Variants in ASIC2 observed in about 807,000 individuals in gnomAD.
ASIC2 encodes acid sensing ion channel subunit 2.
In ASIC2, 25 loss-of-function variants were observed where a neutral mutation model predicts 57.3. The observed-to-expected ratio is 0.44, with a 90% CI of 0.32 to 0.61. ASIC2 has a LOEUF of 0.61. Among genes scored for constraint, ASIC2 ranks in the 20% least tolerant of loss-of-function variants. The pLI is 0.06. For missense variants in ASIC2, 641 were observed against 738.1 expected (o/e 0.87, Z 1.52); for synonymous variants, 319 against 307.5 (o/e 1.04, Z -0.39).
intron 1 of ASIC2, among the ~76,000 whole-genome samples, chr17:33,155,808 T>C (rs1377952555): frequency 6.6e-6 from 1 of 152,114 alleles, no homozygotes; most frequent in East Asian, 1.9e-4. Context: ...GATCTCAAAG[T>C]GCTAGTTACA....
chr17:33,158,268 G>C (rs1325611053), intron 1 of ASIC2, among the ~76,000 whole-genome samples: 1 of 148,670 alleles, frequency 6.7e-6, no homozygotes, highest in Admixed American at 6.7e-5. Flanking sequence ...GAGGTGCTCA[G>C]CAATACTTGA....
chr17:33,885,183 C>A (rs1022761826), intron 1 of ASIC2, among the ~76,000 whole-genome samples: 3 of 152,182 alleles, frequency 2.0e-5, no homozygotes, highest in Non-Finnish European at 4.4e-5. Flanking sequence ...ACATCCAGGT[C>A]CTGCTGTCCT....
intron 1 of ASIC2, among the ~76,000 whole-genome samples, chr17:33,412,277 C>A (rs1460944263): frequency 6.6e-6 from 1 of 152,192 alleles, no homozygotes; most frequent in Non-Finnish European, 1.5e-5. Flanking sequence ...TTGTACCAAC[C>A]CACGTGGTTC....
At chr17:34,096,921 T>C (rs745520512) in intron 1 of ASIC2, among the ~76,000 whole-genome samples, 7 of 131,758 alleles carry the variant, frequency 5.3e-5, no homozygotes, top group Non-Finnish European at 9.5e-5. Flanking sequence ...AAGTGAGAGA[T>C]CATGGTGGCC....
intron 1 of ASIC2, among the ~76,000 whole-genome samples, chr17:33,638,162 G>C (rs922538910): frequency 2.6e-5 from 4 of 152,166 alleles, no homozygotes; most frequent in Admixed American, 1.3e-4. Flanking sequence ...AAGTCTTGTG[G>C]CTTCCAGAAC....
chr17:33,748,713 G>T (rs1910337638), intron 1 of ASIC2, among the ~76,000 whole-genome samples: 1 of 152,196 alleles, frequency 6.6e-6, no homozygotes, highest in African/African-American at 2.4e-5. Flanking sequence ...TGATCTCTGA[G>T]CTGCCTTACG....
chr17:33,915,019 C>T (rs192955556), intron 1 of ASIC2, among the ~76,000 whole-genome samples: 26 of 152,308 alleles, frequency 1.7e-4, no homozygotes, highest in African/African-American at 6.0e-4. Context: ...GGGTTAGCAC[C>T]AAACACAGCT....
chr17:33,957,609 T>C (rs534859721), intron 1 of ASIC2, among the ~76,000 whole-genome samples: 64 of 152,266 alleles, frequency 4.2e-4, no homozygotes, highest in Non-Finnish European at 7.3e-4. Flanking sequence ...ATCATGAGAA[T>C]AGCATGGGAA....
chr17:33,647,661 T>C (rs1906787248), intron 1 of ASIC2, among the ~76,000 whole-genome samples: 1 of 152,142 alleles, frequency 6.6e-6, no homozygotes, highest in South Asian at 2.1e-4. Flanking sequence ...TCTGTGCTCA[T>C]GTGTATAAAT....
intron 1 of ASIC2, among the ~76,000 whole-genome samples, chr17:33,779,382 T>A (rs1249229532): frequency 1.3e-5 from 2 of 152,226 alleles, no homozygotes; most frequent in Non-Finnish European, 2.9e-5. Flanking sequence ...TGTTTTATTA[T>A]CAATGCATTA....
chr17:33,900,359 T>C (rs1008988804), intron 1 of ASIC2, among the ~76,000 whole-genome samples: 9 of 152,154 alleles, frequency 5.9e-5, no homozygotes, highest in African/African-American at 2.2e-4. Flanking sequence ...ATAGGGTCTC[T>C]GCTGAGACAC....
chr17:33,055,969 G>GTGAATTCTAATCT (rs2091996381), intron 3 of ASIC2, among the ~76,000 whole-genome samples: 1 of 152,176 alleles, frequency 6.6e-6, no homozygotes, highest in Non-Finnish European at 1.5e-5. Flanking sequence ...CCTAAGATTA[G>GTGAATTCTAATCT]AATTCAGTTG....
intron 1 of ASIC2, among the ~76,000 whole-genome samples, chr17:33,889,940 G>T (rs755174021): frequency 6.6e-6 from 1 of 152,174 alleles, no homozygotes; most frequent in African/African-American, 2.4e-5. Flanking sequence ...TATGTTCCAA[G>T]ATAAGCATGT....
At chr17:33,134,868 C>G (rs1055608897) in intron 1 of ASIC2, among the ~76,000 whole-genome samples, 1 of 152,234 alleles carries the variant, frequency 6.6e-6, no homozygotes, top group African/African-American at 2.4e-5. Flanking sequence ...AAGTTCTGTA[C>G]TGGGCTTTCT....
chr17:33,784,595 T>C (rs1042380132), intron 1 of ASIC2, among the ~76,000 whole-genome samples: 1 of 152,230 alleles, frequency 6.6e-6, no homozygotes, highest in African/African-American at 2.4e-5. Flanking sequence ...TTTAATGCAA[T>C]ACATCATTGC....
In ASIC2 at chr17:33,315,241, T is replaced by G. The variant is rs540324231; in HGVS notation, c.556-203174A>C. On this transcript the variant is annotated intron_variant, in intron 1 of 9. Coordinates refer to the ASIC2 transcript ENST00000359872. Reference sequence around the variant, plus strand: ...CAATTAAACAAATAGCTAAAGCATGTACCAAAAATGTGCAGAAGAATAATG... The same window carrying G: ...CAATTAAACAAATAGCTAAAGCATGGACCAAAAATGTGCAGAAGAATAATG... 2.4e-4 allele frequency among the ~76,000 whole-genome samples: 36 copies of G among 152,318 alleles called. No homozygotes were observed. In the South Asian group the frequency reaches 6.8e-3, roughly 29 times the overall value.
chr17:33,791,349 T>C (rs773394223), intron 1 of ASIC2, among the ~76,000 whole-genome samples: 106 of 152,268 alleles, frequency 7.0e-4, no homozygotes, highest in Admixed American at 1.7e-3. Context: ...TGCAGAGATA[T>C]GGAGAAGCAT....
At chr17:33,882,529 A>G (rs1914728882) in intron 1 of ASIC2, among the ~76,000 whole-genome samples, 1 of 152,250 alleles carries the variant, frequency 6.6e-6, no homozygotes, top group African/African-American at 2.4e-5. Flanking sequence ...ACCACTGGCC[A>G]TCAGAGAAAT....
chr17:33,074,920 C>T (rs1232622751), intron 3 of ASIC2, among the ~76,000 whole-genome samples: 1 of 152,088 alleles, frequency 6.6e-6, no homozygotes, highest in Non-Finnish European at 1.5e-5. Flanking sequence ...ACTATGATGG[C>T]ATGCAAAGAT....
Sources: allele counts gnomAD v4.1 joint callset (sites outside exome capture counted in the v4.1 genomes callset), GRCh38; gene constraint gnomAD v4.1.1; transcripts MANE v1.5; gene names NCBI Gene and HGNC (gene_info 2026-07-23, HGNC 2026-07-21).